The following RIMOC1 variants were observed in gnomAD, a reference collection of about 807,000 sequenced individuals.
RIMOC1 encodes RAB7A interacting MON1-CCZ1 complex subunit 1.
the RIMOC1 span, chr5:41,911,035 T>G: frequency 6.2e-7 from 1 of 1,602,316 alleles, no homozygotes; most frequent in African/African-American, 1.3e-5. Flanking sequence ...ATGTCTTTTT[T>G]TGTGTGTTTC....
chr5:41,911,181 TAAG>T, the RIMOC1 span: 2 of 1,595,176 alleles, frequency 1.3e-6, no homozygotes, highest in Non-Finnish European at 1.7e-6. Flanking sequence ...CTTAAAAAGG[TAAG>T]AAGACATTCC....
chr5:41,909,320 G>T, the RIMOC1 span, among the ~76,000 whole-genome samples: 194 of 152,198 alleles, frequency 1.3e-3, 8 homozygotes, highest in Non-Finnish European at 8.1e-4. Context: ...CCCTCACGCT[G>T]GCTCTGTATT....
the RIMOC1 span, chr5:41,917,419 T>C: frequency 1.4e-6 from 2 of 1,401,508 alleles, no homozygotes; most frequent in South Asian, 1.8e-5. Context: ...CATAAAGATA[T>C]CCAGCTTGGG....
At chr5:41,916,354 T>C in the RIMOC1 span, 1 of 855,920 alleles carries the variant, frequency 1.2e-6, no homozygotes, top group Non-Finnish European at 1.4e-6. Flanking sequence ...ACCATAAATA[T>C]TTAATTATAT....
the RIMOC1 span, chr5:41,909,880 T>C: frequency 1.3e-6 from 2 of 1,576,458 alleles, no homozygotes; most frequent in Non-Finnish European, 8.6e-7. Flanking sequence ...AGGAAAATAA[T>C]ATGCATCCAA....
At chr5:41,911,930 A>G in the RIMOC1 span, 1 of 647,658 alleles carries the variant, frequency 1.5e-6, no homozygotes, top group Non-Finnish European at 2.7e-6. Flanking sequence ...TCTTTATACC[A>G]TTGAAATAGA....
chr5:41,904,396 G>C, the RIMOC1 span: 74 of 1,614,064 alleles, frequency 4.6e-5, no homozygotes, highest in East Asian at 1.6e-3. Flanking sequence ...AGTGTGGTGA[G>C]ACGAGTGGAA....
At chr5:41,904,519 T>A in the RIMOC1 span, 1 of 1,513,336 alleles carries the variant, frequency 6.6e-7, no homozygotes, top group Non-Finnish European at 9.1e-7. Context: ...GCTAAGGTAC[T>A]GGCGCTCGAT....
At chr5:41,914,732 T>C in the RIMOC1 span, among the ~76,000 whole-genome samples, 2 of 152,030 alleles carry the variant, frequency 1.3e-5, no homozygotes, top group Non-Finnish European at 2.9e-5. Context: ...ATCGCACAGC[T>C]GCACTCTAGC....
At chr5:41,912,508 A>G in the RIMOC1 span, among the ~76,000 whole-genome samples, 1 of 152,326 alleles carries the variant, frequency 6.6e-6, no homozygotes, top group Admixed American at 6.5e-5. Context: ...ATTTATAAAC[A>G]AGAGAGGTTT....
At chr5:41,909,399 A>G in the RIMOC1 span, among the ~76,000 whole-genome samples, 1 of 152,156 alleles carries the variant, frequency 6.6e-6, no homozygotes, top group East Asian at 1.9e-4. Context: ...GCAGGCATTT[A>G]GAAAATTTTC....
the RIMOC1 span, among the ~76,000 whole-genome samples, chr5:41,909,185 A>G: frequency 6.6e-6 from 1 of 152,118 alleles, no homozygotes; most frequent in African/African-American, 2.4e-5. Flanking sequence ...AAAAAAGGAA[A>G]AAGGATTGGG....
At chr5:41,920,068 A>G in the RIMOC1 span, 1 of 152,140 alleles carries the variant, frequency 6.6e-6, no homozygotes, top group Non-Finnish European at 1.5e-5. Flanking sequence ...ATAGGGATAT[A>G]TGCCATCCTG....
chr5:41,904,491 G>A, the RIMOC1 span: 1 of 1,606,844 alleles, frequency 6.2e-7, no homozygotes, highest in Non-Finnish European at 8.5e-7. Context: ...GGAGAGGGAG[G>A]CGGGCGGGGC....
At chr5:41,912,004 G>C in the RIMOC1 span, 7 of 961,300 alleles carry the variant, frequency 7.3e-6, no homozygotes, top group Non-Finnish European at 1.2e-5. Context: ...GAAAATATTA[G>C]TATTTGAAGT....
chr5:41,912,331 C>T, the RIMOC1 span: 18 of 575,886 alleles, frequency 3.1e-5, no homozygotes, highest in East Asian at 5.3e-4. Context: ...ATATAAAATT[C>T]AAAGATAAAA....
chr5:41,914,456 C>CAAACAAAACAAAACAAAACAAAACA, the RIMOC1 span, among the ~76,000 whole-genome samples: 1 of 146,488 alleles, frequency 6.8e-6, no homozygotes, highest in African/African-American at 2.5e-5. Flanking sequence ...GACTCTGTCT[C>CAAACAAAACAAAACAAAACAAAACA]AAACAAAACA....
At chr5:41,907,629 A>G in the RIMOC1 span, 1 of 642,080 alleles carries the variant, frequency 1.6e-6, no homozygotes, top group Non-Finnish European at 2.6e-6. Context: ...TCCATATGTC[A>G]TAATATTATT....
the RIMOC1 span, chr5:41,912,262 G>A: frequency 1.2e-6 from 1 of 805,436 alleles, no homozygotes; most frequent in South Asian, 1.6e-5. Flanking sequence ...ATTTCACTCT[G>A]ATTTAAATAA....
Sources: gnomAD v4.1 joint callset for allele counts (sites outside exome capture counted in the v4.1 genomes callset) on GRCh38, gnomAD v4.1.1 for gene constraint, MANE v1.5 for transcripts, NCBI Gene and HGNC (gene_info 2026-07-23, HGNC 2026-07-21) for gene names.